The following MAP3K13 variants were observed in gnomAD, a reference collection of about 807,000 sequenced individuals.
MAP3K13 encodes leucine zipper-bearing kinase.
In MAP3K13, 52 loss-of-function variants were observed where a neutral mutation model predicts 104.0. The observed-to-expected ratio is 0.50, with a 90% CI of 0.40 to 0.63. The LOEUF (loss-of-function observed/expected upper bound fraction) is 0.63. MAP3K13 is among the 20% of genes least tolerant of loss of function. The pLI is 0.00. For synonymous variants in MAP3K13, 394 were observed against 442.2 expected, an observed-to-expected ratio of 0.89 and a Z score of 1.37; for missense variants, 914 against 1,218.5, an observed-to-expected ratio of 0.75 and a Z score of 3.72.
intron 2 of MAP3K13, among the ~76,000 whole-genome samples, chr3:185,313,198 A>G (rs1373026145): frequency 3.9e-5 from 6 of 151,940 alleles, no homozygotes; most frequent in African/African-American, 9.6e-5. Context: ...CAAAAAAAAA[A>G]AGGGGAAAAT....
At chr3:185,295,560 G>C (rs1034629695) in intron 2 of MAP3K13, among the ~76,000 whole-genome samples, 1 of 152,102 alleles carries the variant, frequency 6.6e-6, no homozygotes, top group African/African-American at 2.4e-5. Flanking sequence ...CCTCTCTCCT[G>C]TTCCTCTTCA....
At chr3:185,409,355 G>A (rs1399064633) in intron 1 of MAP3K13, among the ~76,000 whole-genome samples, 1 of 152,140 alleles carries the variant, frequency 6.6e-6, no homozygotes, top group Non-Finnish European at 1.5e-5. Flanking sequence ...GCTACAGAGC[G>A]AGACCCTGTC....
intron 1 of MAP3K13, among the ~76,000 whole-genome samples, chr3:185,378,641 T>C (rs924697541): frequency 1.3e-5 from 2 of 151,786 alleles, no homozygotes; most frequent in East Asian, 3.9e-4. Flanking sequence ...CATGAGTCCA[T>C]AGAAAAGAAG....
Position 185,343,452 on chromosome 3 carries a change from G to GTTTA in MAP3K13, c.-86+57825_-86+57828dup, listed in dbSNP as rs557100762. ...AAACGGACGACTCTCAGCAGGGTAT[G>GTTTA]TTTATTTATTTATTTATTTGAGACG... is the stretch of plus-strand genomic sequence containing the variant. On this transcript the variant is annotated intron_variant, in intron 2 of 14. Coordinates refer to the MAP3K13 transcript ENST00000424227. Among the ~76,000 whole-genome samples the GTTTA allele has an allele frequency of 1.2e-3, 179 of 152,060 alleles. 1 individual carries two copies. The highest frequency in any genetic ancestry group is 8.5e-3 in the East Asian group (44 of 5,164).
intron 2 of MAP3K13, among the ~76,000 whole-genome samples, chr3:185,307,567 C>T (rs1721337954): frequency 7.3e-6 from 1 of 136,800 alleles, no homozygotes; most frequent in Non-Finnish European, 1.5e-5. Flanking sequence ...CCCCGAGATG[C>T]AGTCTTACTC....
In MAP3K13 at chr3:185,434,553, A is replaced by T. The variant is rs1714917767; in HGVS notation, c.476-2894A>T. Among the ~76,000 whole-genome samples the T allele has an allele frequency of 2.0e-5, 3 of 152,232 alleles. No homozygotes were observed. The South Asian group carries it at 6.2e-4, about 31-fold the overall frequency. On this transcript the variant is annotated intron_variant, in intron 2 of 13. Coordinates refer to ENST00000265026, the MANE Select transcript of MAP3K13 (RefSeq NM_004721.5). Reference sequence around the variant, plus strand: ...TTATGCAGAACAGGTAAGAGGGTACAGAACAACTATTAGAACTTATAATAA... The same window carrying T: ...TTATGCAGAACAGGTAAGAGGGTACTGAACAACTATTAGAACTTATAATAA...
chr3:185,436,342 C>T (rs1165591068), intron 2 of MAP3K13, among the ~76,000 whole-genome samples: 1 of 152,088 alleles, frequency 6.6e-6, no homozygotes, highest in African/African-American at 2.4e-5. Context: ...CTTGAAAATA[C>T]TACAGCTATA....
intron 2 of MAP3K13, among the ~76,000 whole-genome samples, chr3:185,341,185 G>T (rs1183972849): frequency 6.6e-6 from 1 of 152,144 alleles, no homozygotes; most frequent in African/African-American, 2.4e-5. Context: ...GATGTAATTA[G>T]TTACATATGA....
chr3:185,448,349 C>T (rs1349825972), intron 5 of MAP3K13, among the ~76,000 whole-genome samples: 1 of 152,054 alleles, frequency 6.6e-6, no homozygotes, highest in Non-Finnish European at 1.5e-5. Flanking sequence ...AATAATGTAC[C>T]TTGCTATGAT....
At chr3:185,288,540 G>GTGTGTGTA (rs1437773195) in intron 2 of MAP3K13, among the ~76,000 whole-genome samples, 48 of 140,200 alleles carry the variant, frequency 3.4e-4, no homozygotes, top group African/African-American at 1.1e-3. Context: ...GTGTTTGTGT[G>GTGTGTGTA]TATATATATA....
intron 2 of MAP3K13, among the ~76,000 whole-genome samples, chr3:185,311,928 A>G (rs1251710174): frequency 6.6e-6 from 1 of 152,258 alleles, no homozygotes; most frequent in Admixed American, 6.5e-5. Context: ...TTAACAATGA[A>G]TTATAGGGCT....
chr3:185,361,287 A>G (rs1045170255), upstream of MAP3K13, among the ~76,000 whole-genome samples: 11 of 151,854 alleles, frequency 7.2e-5, no homozygotes, highest in Admixed American at 7.2e-4. Context: ...TTGTTTTGGA[A>G]GAAAAAAATG....
At chr3:185,480,599 C>T in intron 13 of MAP3K13, 70 bp downstream of exon 13, 1 of 1,477,588 alleles carries the variant, frequency 6.8e-7, no homozygotes. Context: ...GTCTCTAGGG[C>T]CTTTACAATT....
Position 185,428,841 on chromosome 3 carries a change from T to C in MAP3K13, c.260T>C (p.Leu87Pro), listed in dbSNP as rs1238746902. The C allele has an allele frequency of 6.2e-7, 1 of 1,613,970 alleles. No homozygotes were observed. ...RDQFENSVLQLREHDESETAV... is the reference protein window; with the variant it reads ...RDQFENSVLQPREHDESETAV... Reference sequence around the variant, plus strand: ...CAGTTTGAGAACAGCGTTCTTCAGCTAAGGGAACACGATGAATCAGAGACG... The same window carrying C: ...CAGTTTGAGAACAGCGTTCTTCAGCCAAGGGAACACGATGAATCAGAGACG... Residue 87 changes from leucine to proline, a missense_variant, in exon 2 of 14, where the codon CTA (leucine) becomes CCA (proline). Physicochemically the swap from Leu to Pro is moderately conservative, Grantham distance 98 (BLOSUM62 -3). Transcript: ENST00000265026.
chr3:185,459,155 C>T (rs567869109), intron 7 of MAP3K13, among the ~76,000 whole-genome samples: 1 of 152,296 alleles, frequency 6.6e-6, no homozygotes, highest in African/African-American at 2.4e-5. Flanking sequence ...GACACCCCAA[C>T]TGTGAGGTTA....
intron 3 of MAP3K13, among the ~76,000 whole-genome samples, chr3:185,440,322 G>A (rs1715255428): frequency 6.6e-6 from 1 of 152,160 alleles, no homozygotes; most frequent in African/African-American, 2.4e-5. Flanking sequence ...GAAATAAAAG[G>A]TGCGTAAGAT....
At chr3:185,454,843 TATGAGATATATAC>T (rs1177635380) in intron 7 of MAP3K13, among the ~76,000 whole-genome samples, 4 of 89,852 alleles carry the variant, frequency 4.5e-5, no homozygotes, top group Non-Finnish European at 6.3e-5. Context: ...ATGATATATA[TATGAGATATATAC>T]ATGATATATA....
At chr3:185,291,545 T>C in intron 2 of MAP3K13, 1 of 1,408,232 alleles carries the variant, frequency 7.1e-7, no homozygotes, top group Non-Finnish European at 9.4e-7. Context: ...AAAAGTAGTT[T>C]TTAATTTCCC....
intron 4 of MAP3K13, among the ~76,000 whole-genome samples, chr3:185,444,461 T>C (rs902763948): frequency 3.3e-5 from 5 of 152,170 alleles, no homozygotes; most frequent in African/African-American, 1.2e-4. Flanking sequence ...TAGACGTGGA[T>C]TACAGATTTG....
Sources: allele counts gnomAD v4.1 joint callset (sites outside exome capture counted in the v4.1 genomes callset), GRCh38; gene constraint gnomAD v4.1.1; transcripts MANE v1.5; gene names NCBI Gene and HGNC (gene_info 2026-07-23, HGNC 2026-07-21).